Variants in NFIA observed in about 807,000 individuals in gnomAD.
The protein encoded by NFIA is nuclear factor I A.
In NFIA, 8 loss-of-function variants were observed where a neutral mutation model predicts 62.8. The ratio of observed to expected loss-of-function variants is 0.13; its 90% CI spans 0.07 to 0.23. NFIA has a LOEUF of 0.23. Ranked by LOEUF, NFIA falls within the 10% of genes least tolerant of loss-of-function variation. The pLI, the probability that NFIA is intolerant of heterozygous loss-of-function variation, is 1.00. For synonymous variants in NFIA, 235 were observed against 238.1 expected (o/e 0.99, Z 0.12); for missense variants, 410 against 642.1 (o/e 0.64, Z 3.91).
At chr1:61,193,185 G>A (rs893361959) in intron 2 of NFIA, among the ~76,000 whole-genome samples, 2 of 152,108 alleles carry the variant, frequency 1.3e-5, no homozygotes, top group African/African-American at 4.8e-5. Flanking sequence ...TGTTTGGCTT[G>A]GACCAATTTA....
chr1:61,266,884 T>G (rs1657206864), intron 2 of NFIA, among the ~76,000 whole-genome samples: 1 of 152,206 alleles, frequency 6.6e-6, no homozygotes, highest in African/African-American at 2.4e-5. Flanking sequence ...AGTTAGAGAA[T>G]TATAGCCACT....
upstream of NFIA, among the ~76,000 whole-genome samples, chr1:61,079,043 G>A (rs1287153402): frequency 1.3e-5 from 2 of 152,200 alleles, no homozygotes; most frequent in Non-Finnish European, 2.9e-5. Flanking sequence ...TTCCCATCGA[G>A]CTATTTCCCA....
intron 2 of NFIA, among the ~76,000 whole-genome samples, chr1:61,196,585 TA>T (rs945681524): frequency 6.6e-6 from 1 of 151,702 alleles, no homozygotes; most frequent in African/African-American, 2.4e-5. Context: ...GACTATATAT[TA>T]TTTTTTTTTG....
Position 61,457,224 on chromosome 1 carries a change from T to C in NFIA, c.*1904T>C, listed in dbSNP as rs534174411. 2 of 152,340 alleles carry C rather than the reference T, an allele frequency of 1.3e-5. No individual in the cohort carries two copies. The highest frequency in any genetic ancestry group is 3.9e-4 in the East Asian group (2 of 5,188). 9.4% of individuals were successfully genotyped at this position (152,340 alleles called of 1,614,324 possible). On this transcript the variant is annotated 3_prime_UTR_variant, in exon 11 of 11. Coordinates refer to ENST00000403491, the MANE Select transcript of NFIA (RefSeq NM_001134673.4). This position sits in a 1 kb window ranked among gnomAD's most constrained non-coding sequence, Gnocchi z 4.2. ...CAATGTTGTTTTGTTTTGTTTTTTT[T>C]CCTTAATTTGCACGAAAACAAAAAT...
chr1:61,108,070 A>T (rs912376363), intron 2 of NFIA, among the ~76,000 whole-genome samples: 2 of 151,718 alleles, frequency 1.3e-5, no homozygotes, highest in African/African-American at 4.8e-5. Flanking sequence ...ATGAGTCTTG[A>T]TAAAGCAAAA....
chr1:61,278,267 A>T (rs1657932771), intron 3 of NFIA, among the ~76,000 whole-genome samples: 1 of 152,220 alleles, frequency 6.6e-6, no homozygotes, highest in Non-Finnish European at 1.5e-5. Flanking sequence ...TATGAAAAAT[A>T]CTGTCATGGG....
intron 2 of NFIA, among the ~76,000 whole-genome samples, chr1:61,169,741 C>T (rs1649823512): frequency 1.3e-5 from 2 of 152,078 alleles, no homozygotes; most frequent in African/African-American, 2.4e-5. Flanking sequence ...TTTTTCTCCC[C>T]AACTTGGTTC....
At chr1:61,277,281 AGCCAATGCCACCGTAGGTGTCC>A (rs1657859386) in intron 2 of NFIA, among the ~76,000 whole-genome samples, 1 of 152,306 alleles carries the variant, frequency 6.6e-6, no homozygotes, top group Admixed American at 6.5e-5. Context: ...ATCTGGCAAA[AGCCAATGCCACCGTAGGTGTCC>A]GCAAACCGGA....
rs1440423218 is a variant in NFIA, at chr1:61,456,288, A to G, written c.*968A>G. On this transcript the variant is annotated 3_prime_UTR_variant, in exon 11 of 11. Coordinates refer to ENST00000403491, the MANE Select transcript of NFIA (RefSeq NM_001134673.4). ...GGACTCTAAATTATTGGGGTAAAAA[A>G]CAGCCTTGCAAGAAAAAGGGGAGCT... The G allele has an allele frequency of 6.6e-6, 1 of 152,506 alleles. No homozygotes were observed. Among genetic ancestry groups the G allele is most frequent in the Non-Finnish European group, 1.5e-5 (1 of 68,008 alleles). The allele number at this position is 152,506 out of a possible 1,614,324, so 9.4% of individuals were successfully genotyped here.
At chr1:61,118,778 G>A (rs370367645) in intron 2 of NFIA, among the ~76,000 whole-genome samples, 4 of 151,854 alleles carry the variant, frequency 2.6e-5, no homozygotes, top group Non-Finnish European at 2.9e-5. Flanking sequence ...TCATATTGGC[G>A]GGAGAGCAGC....
At chr1:61,145,540 G>A (rs1290693474) in intron 2 of NFIA, among the ~76,000 whole-genome samples, 1 of 152,172 alleles carries the variant, frequency 6.6e-6, no homozygotes, top group Non-Finnish European at 1.5e-5. Flanking sequence ...TAAAGATATA[G>A]CAGTGAATGA....
At chr1:61,281,292 G>A (rs1404842432) in intron 3 of NFIA, among the ~76,000 whole-genome samples, 2 of 151,870 alleles carry the variant, frequency 1.3e-5, no homozygotes, top group African/African-American at 2.4e-5. Context: ...TATCTCATGA[G>A]TGGTAAACTG....
chr1:61,374,345 G>A (rs1664047055), intron 6 of NFIA, among the ~76,000 whole-genome samples: 1 of 152,066 alleles, frequency 6.6e-6, no homozygotes, highest in Non-Finnish European at 1.5e-5. Context: ...GGGATGGCTA[G>A]GGGGCAGATG....
At chr1:61,126,777 C>CTTTT (rs56255004) in intron 2 of NFIA, among the ~76,000 whole-genome samples, 20 of 87,330 alleles carry the variant, frequency 2.3e-4, no homozygotes, top group African/African-American at 8.2e-4. Flanking sequence ...TGTCAGATTC[C>CTTTT]TTTTTTTTTT....
chr1:61,082,853 C>T, intron 1 of NFIA, 35 bp downstream of exon 1: 1 of 1,541,522 alleles, frequency 6.5e-7, no homozygotes, highest in Non-Finnish European at 8.8e-7. Flanking sequence ...GGCTTGGGGG[C>T]CGGGGCGCCG....
intron 7 of NFIA, among the ~76,000 whole-genome samples, chr1:61,386,294 C>T (rs919449731): frequency 6.6e-6 from 1 of 152,132 alleles, no homozygotes; most frequent in Non-Finnish European, 1.5e-5. Context: ...GAGATTTCAA[C>T]CTCTGACACT....
intron 10 of NFIA, among the ~76,000 whole-genome samples, 200 bp downstream of exon 10, chr1:61,426,756 A>C (rs977228890): frequency 6.6e-6 from 1 of 152,042 alleles, no homozygotes; most frequent in East Asian, 1.9e-4. Flanking sequence ...TCTTGTATTG[A>C]GTGGGTAGAA....
chr1:61,383,128 T>G, intron 6 of NFIA, 109 bp from the exon 7 acceptor site: 1 of 1,357,224 alleles, frequency 7.4e-7, no homozygotes, highest in Non-Finnish European at 1.0e-6. Context: ...CATTCACAGG[T>G]GGATTTCTCT....
intron 2 of NFIA, among the ~76,000 whole-genome samples, chr1:61,214,749 A>C (rs1220998984): frequency 2.6e-5 from 4 of 152,304 alleles, no homozygotes; most frequent in East Asian, 3.9e-4. Flanking sequence ...TCCCTGTCTT[A>C]TGTCATATTT....
Sources: allele counts gnomAD v4.1 joint callset (sites outside exome capture counted in the v4.1 genomes callset), GRCh38; gene constraint gnomAD v4.1.1; non-coding constraint Gnocchi (gnomAD v3.1); transcripts MANE v1.5; gene names NCBI Gene and HGNC (gene_info 2026-07-23, HGNC 2026-07-21).